Variants in DLL4 observed in about 807,000 individuals in gnomAD.
DLL4 encodes delta-like protein 4.
In DLL4, 7 loss-of-function variants were observed where a neutral mutation model predicts 73.6. That is an observed-to-expected ratio of 0.10 (90% confidence interval 0.05 to 0.18). DLL4 has a LOEUF of 0.18. DLL4 is among the 10% of genes least tolerant of loss of function. The pLI, the probability that DLL4 is intolerant of heterozygous loss-of-function variation, is 1.00. For missense variants in DLL4, 614 were observed against 929.9 expected, an observed-to-expected ratio of 0.66 and a Z score of 4.42; for synonymous variants, 345 against 374.3, an observed-to-expected ratio of 0.92 and a Z score of 0.90.
In DLL4 at chr15:40,937,652, A is replaced by C. The variant is rs1892864230; in HGVS notation, c.2052+126A>C. 9.3e-6 allele frequency: 7 copies of C among 755,812 alleles called. No individual in the cohort carries two copies. The Middle Eastern group carries it at 9.8e-4, about 106-fold the overall frequency. 46.8% of individuals were successfully genotyped at this position (755,812 alleles called of 1,614,324 possible). ...TGCCTTGGCAGGCCAAGTTCAGTGG[A>C]CTCTTGGGTCCCTGCTGGCCTCATT... On this transcript the variant is annotated intron_variant, in intron 10 of 10. Transcript: ENST00000249749.
chr15:40,933,805 AG>A (rs2140370255), intron 6 of DLL4, among the ~76,000 whole-genome samples: 1 of 152,242 alleles, frequency 6.6e-6, no homozygotes, highest in South Asian at 2.1e-4. Flanking sequence ...ATGTGATTCA[AG>A]GTGCTTTAAG....
chr15:40,935,654 G>T (rs1297260526), intron 8 of DLL4, among the ~76,000 whole-genome samples: 2 of 152,208 alleles, frequency 1.3e-5, no homozygotes, highest in Non-Finnish European at 2.9e-5. Context: ...CTGGAGAGGG[G>T]TGGGAAGGGC....
Position 40,938,753 on chromosome 15 carries a change from G to A in DLL4, c.*719G>A, listed in dbSNP as rs1299047605. On this transcript the variant is annotated 3_prime_UTR_variant, in exon 11 of 11. Transcript: ENST00000249749. ...CAGCCAAGGGTGCCAGGCCTAACTG[G>A]GGCACTCAGGGCAGTGTGTTGGAAA... 1.3e-5 allele frequency: 2 copies of A among 152,596 alleles called. No homozygotes were observed. Among genetic ancestry groups the A allele is most frequent in the Non-Finnish European group, 2.9e-5 (2 of 68,040 alleles). The allele number at this position is 152,596 out of a possible 1,614,324, so 9.5% of individuals were successfully genotyped here.
intron 7 of DLL4, 57 bp from the exon 8 acceptor site, chr15:40,934,841 G>A (rs1892819938): frequency 1.3e-6 from 2 of 1,592,788 alleles, no homozygotes; most frequent in South Asian, 2.2e-5. Context: ...CCAGCCTTCA[G>A]TCACACATCC....
rs1892756839 is a variant in DLL4 at position 40,930,715 on chromosome 15, G to A, written c.394+33G>A. On this transcript the variant is annotated intron_variant, in intron 3 of 10. Transcript: ENST00000249749. This position sits in a 1 kb window ranked among gnomAD's most constrained non-coding sequence, Gnocchi z 5.7. ...GCTCGCTCCGCCACCACAGGGGGGCGACACGGCGCAGCGCCGAAAGAGTTA... is the reference window on the plus strand; with the variant it reads ...GCTCGCTCCGCCACCACAGGGGGGCAACACGGCGCAGCGCCGAAAGAGTTA... 6.2e-7 allele frequency: 1 copy of A among 1,607,074 alleles called. No individual in the cohort carries two copies. Among genetic ancestry groups the A allele is most frequent in the Non-Finnish European group, 8.5e-7 (1 of 1,174,304 alleles).
In DLL4 at chr15:40,929,530, A is replaced by G; in HGVS notation, c.-139A>G. On this transcript the variant is annotated 5_prime_UTR_variant, in exon 1 of 11. Coordinates refer to ENST00000249749, the MANE Select transcript of DLL4 (RefSeq NM_019074.4). This position sits in a 1 kb window ranked among gnomAD's most constrained non-coding sequence, Gnocchi z 7.1. ...AGCGGCAGCTGCAGCGGAGCCAGCG[A>G]GAAGGCCAAAGGGGAGCAGCGTCCC... 2.5e-6 allele frequency: 2 copies of G among 791,866 alleles called. No homozygotes were observed. Among genetic ancestry groups the G allele is most frequent in the Non-Finnish European group, 3.8e-6 (2 of 522,252 alleles). The allele number at this position is 791,866 out of a possible 1,614,324, so 49.1% of individuals were successfully genotyped here.
intron 6 of DLL4, 32 bp from the exon 7 acceptor site, chr15:40,934,516 C>T (rs1566879020): frequency 6.2e-7 from 1 of 1,608,930 alleles, no homozygotes; most frequent in Non-Finnish European, 8.5e-7. Flanking sequence ...ATTCCCTGGC[C>T]CTGCTCAGCT....
At position 40,938,918 on chromosome 15, in the gene DLL4, A is replaced by G. The variant is rs1892881008; in HGVS notation, c.*884A>G. ...AAGCTGGTCTTCAGAAATCAATAAT[A>G]TGAGTTTTTATTTTGTTTTTTTTTT... is the stretch of plus-strand genomic sequence containing the variant. On this transcript the variant is annotated 3_prime_UTR_variant, in exon 11 of 11. Coordinates refer to ENST00000249749, the MANE Select transcript of DLL4 (RefSeq NM_019074.4). 1 of 144,242 alleles carries G rather than the reference A, an allele frequency of 6.9e-6. No individual in the cohort carries two copies. Among genetic ancestry groups the G allele is most frequent in the Admixed American group, 7.0e-5 (1 of 14,266 alleles). 8.9% of individuals were successfully genotyped at this position (144,242 alleles called of 1,614,324 possible).
rs1278626784 is a variant in DLL4 at position 40,929,426 on chromosome 15, C to G, written c.-243C>G. 1.9e-6 allele frequency: 1 copy of G among 518,444 alleles called. No individual in the cohort carries two copies. Among genetic ancestry groups the G allele is most frequent in the African/African-American group, 2.0e-5 (1 of 49,582 alleles). The allele number at this position is 518,444 out of a possible 1,614,324, so 32.1% of individuals were successfully genotyped here. On this transcript the variant is annotated 5_prime_UTR_variant, in exon 1 of 11. Coordinates refer to ENST00000249749, the MANE Select transcript of DLL4 (RefSeq NM_019074.4). The surrounding 1 kb of genome is among the most constrained non-coding windows in gnomAD (Gnocchi z 7.1). ...GGTGCAGCGTACACCGGCACTAGCC[C>G]GCTTGCAGCCCCAGGATTAGACAGA...
At position 40,929,831 on chromosome 15, in the gene DLL4, G is replaced by C. The variant is rs1230196219; in HGVS notation, c.67-16G>C. The stretch of plus-strand genomic sequence containing the variant: ...GACCGGTCCCCTCCCTCCTTCCCTC[G>C]GTCCCTGTGCAATAGCGCGCGGCCG... On this transcript the variant is annotated splice_polypyrimidine_tract_variant and intron_variant, in intron 1 of 10. Transcript: ENST00000249749. The surrounding 1 kb of genome is among the most constrained non-coding windows in gnomAD (Gnocchi z 7.1). The C allele has an allele frequency of 6.2e-7, 1 of 1,609,876 alleles. No individual in the cohort carries two copies. The highest frequency in any genetic ancestry group is 2.2e-5 in the East Asian group (1 of 44,844).
At position 40,936,718 on chromosome 15, in the gene DLL4, C is replaced by T; in HGVS notation, c.1731C>T (p.Asp577=). The part of the protein sequence containing the change: ...AMNNLSDFQK[D]NLIPAAQLKN... The stretch of plus-strand genomic sequence containing the variant: ...ACAACTTGTCGGACTTCCAGAAGGA[C>T]AACCTGATTCCTGCCGCCCAGCTTA... Residue 577 remains aspartate, a synonymous_variant, in exon 9 of 11, where the codon GAC becomes GAT. Transcript: ENST00000249749. 6.2e-7 allele frequency: 1 copy of T among 1,613,822 alleles called. No homozygotes were observed. Among genetic ancestry groups the T allele is most frequent in the Middle Eastern group, 1.6e-4 (1 of 6,062 alleles).
chr15:40,933,213 A>T (rs1892793927), intron 6 of DLL4, among the ~76,000 whole-genome samples: 1 of 152,022 alleles, frequency 6.6e-6, no homozygotes. Context: ...GGTGGAAAGA[A>T]ATTGCCTAGG....
In DLL4 at chr15:40,929,793, C is replaced by T; in HGVS notation, c.67-54C>T. 1.2e-6 allele frequency: 2 copies of T among 1,607,528 alleles called. No homozygotes were observed. The highest frequency in any genetic ancestry group is 8.5e-7 in the Non-Finnish European group (1 of 1,179,302). ...CCGCGCTCTGGGCCTCAGCCCCGGG[C>T]ACCAGCTGAGCTGACCGGTCCCCTC... On this transcript the variant is annotated intron_variant, in intron 1 of 10. Coordinates refer to ENST00000249749, the MANE Select transcript of DLL4 (RefSeq NM_019074.4). The surrounding 1 kb of genome is among the most constrained non-coding windows in gnomAD (Gnocchi z 7.1).
At position 40,930,163 on chromosome 15, in the gene DLL4, G is replaced by C. The variant is rs751939450; in HGVS notation, c.336+47G>C. 1.2e-4 allele frequency: 184 copies of C among 1,576,838 alleles called. No homozygotes were observed. The highest frequency in any genetic ancestry group is 1.5e-4 in the Non-Finnish European group (170 of 1,162,030). ...TGGGAGGTCGCAGAAGCCGAGAGAGGAGGCGCCCTGGGACCAAAGCCCCCT... is the reference window on the plus strand; with the variant it reads ...TGGGAGGTCGCAGAAGCCGAGAGAGCAGGCGCCCTGGGACCAAAGCCCCCT... On this transcript the variant is annotated intron_variant, in intron 2 of 10. Transcript: ENST00000249749. This position sits in a 1 kb window ranked among gnomAD's most constrained non-coding sequence, Gnocchi z 5.7.
Position 40,937,574 on chromosome 15 carries a change from T to C in DLL4, c.2052+48T>C, listed in dbSNP as rs750725333. ...CTTCTGCCTTTTGTGGGAGGGAAAG[T>C]GGCCTGGTCACTCTTGACCCATGGG... On this transcript the variant is annotated intron_variant, in intron 10 of 10. Coordinates refer to ENST00000249749, the MANE Select transcript of DLL4 (RefSeq NM_019074.4). 15 of 1,380,470 alleles carry C rather than the reference T, an allele frequency of 1.1e-5. No individual in the cohort carries two copies. In the South Asian group the frequency reaches 1.7e-4, roughly 16 times the overall value. The allele number at this position is 1,380,470 out of a possible 1,614,324, so 85.5% of individuals were successfully genotyped here.
chr15:40,932,563 A>T lies in DLL4; in HGVS notation c.850+116A>T, dbSNP rs1194812720. 24 of 1,345,914 alleles carry T rather than the reference A, an allele frequency of 1.8e-5. 2 individuals are homozygous for T. In the South Asian group the frequency reaches 3.2e-4, roughly 18 times the overall value. The allele number at this position is 1,345,914 out of a possible 1,614,324, so 83.4% of individuals were successfully genotyped here. A position where few individuals can be genotyped will look rare whatever the true frequency, so the allele number is the denominator to read the frequency against. On this transcript the variant is annotated intron_variant, in intron 6 of 10. Coordinates refer to ENST00000249749, the MANE Select transcript of DLL4 (RefSeq NM_019074.4). ...TGGTGACTGCAGACTTGGCTTTCCC[A>T]TGATCTTCCAAGGATCTTGGGTCTT... is the stretch of plus-strand genomic sequence containing the variant.
chr15:40,932,201 A>G lies in DLL4; in HGVS notation c.689A>G (p.Asn230Ser). The G allele has an allele frequency of 6.2e-7, 1 of 1,614,030 alleles. No homozygotes were observed. Among genetic ancestry groups the G allele is most frequent in the Non-Finnish European group, 8.5e-7 (1 of 1,179,892 alleles). The change falls in exon 5 of 11, where the codon AAT becomes AGT. Residue 230 changes from asparagine (N) to serine (S), a missense_variant. Around this residue, in one of 3 missense-constraint regions of DLL4, gnomAD observed 227 missense variants for 370.8 expected, o/e 0.61. Coordinates refer to ENST00000249749, the MANE Select transcript of DLL4 (RefSeq NM_019074.4). ...PICLSGCHEQ[N>S]GYCSKPAECL... ...TGTCTTTCGGGCTGTCATGAACAGA[A>G]TGGCTACTGCAGCAAGCCAGCAGAG...
At position 40,929,683 on chromosome 15, in the gene DLL4, C is replaced by G; in HGVS notation, c.15C>G (p.Ser5=). 1 of 1,563,784 alleles carries G rather than the reference C, an allele frequency of 6.4e-7. No individual in the cohort carries two copies. The highest frequency in any genetic ancestry group is 2.0e-5 in the Admixed American group (1 of 49,410). ...CGCCCGAGGGGATGGCGGCAGCGTC[C>G]CGGAGCGCCTCTGGCTGGGCGCTAC... MAAA[S]RSASGWALLL... is the part of the protein sequence containing the mutation. Residue 5 remains serine (S), a synonymous_variant, in exon 1 of 11, where the codon TCC becomes TCG. Coordinates refer to ENST00000249749, the MANE Select transcript of DLL4 (RefSeq NM_019074.4). The surrounding 1 kb of genome is among the most constrained non-coding windows in gnomAD (Gnocchi z 7.1).
At chr15:40,933,296 G>C (rs1050249934) in intron 6 of DLL4, among the ~76,000 whole-genome samples, 1 of 151,742 alleles carries the variant, frequency 6.6e-6, no homozygotes, top group Non-Finnish European at 1.5e-5. Context: ...GTGTGTGTGT[G>C]TGTCTGTCCC....
Sources: gnomAD v4.1 joint callset for allele counts (sites outside exome capture counted in the v4.1 genomes callset) on GRCh38, gnomAD v4.1.1 for gene constraint, gnomAD v4.1.1 regional missense constraint, Gnocchi (gnomAD v3.1) non-coding constraint, MANE v1.5 for transcripts, NCBI Gene and HGNC (gene_info 2026-07-23, HGNC 2026-07-21) for gene names.